CBLL1: variants seen among roughly 807,000 people sequenced by gnomAD.
CBLL1 encodes Cbl proto-oncogene like 1.
Under a neutral mutation model 44.9 loss-of-function variants are expected in CBLL1, and 4 were observed. That is an observed-to-expected ratio of 0.09 (90% CI 0.04 to 0.20). CBLL1 has a LOEUF of 0.20. Among genes scored for constraint, CBLL1 ranks in the 10% least tolerant of loss-of-function variants. CBLL1 has a pLI of 1.00. For missense variants in CBLL1, 569 were observed against 636.7 expected (o/e 0.89, Z 1.14); for synonymous variants, 235 against 202.2 (o/e 1.16, Z -1.38).
intron 1 of CBLL1, 90 bp downstream of exon 1, chr7:107,744,266 C>T (rs946455597): frequency 5.1e-5 from 71 of 1,393,522 alleles, no homozygotes; most frequent in Non-Finnish European, 6.8e-5. Flanking sequence ...GGATTATGCT[C>T]GCCCCACAAC....
chr7:107,747,425 A>G (rs888558518), intron 1 of CBLL1, among the ~76,000 whole-genome samples: 11 of 152,230 alleles, frequency 7.2e-5, no homozygotes, highest in African/African-American at 2.7e-4. Context: ...TTTTTAGTTC[A>G]TTGGAATGTC....
Position 107,745,166 on chromosome 7 carries a change from G to A in CBLL1, c.13+990G>A, listed in dbSNP as rs186290500. Among the ~76,000 whole-genome samples, 9 of 152,290 alleles carry A rather than the reference G, an allele frequency of 5.9e-5. No individual in the cohort carries two copies. The East Asian group carries it at 1.7e-3, about 29-fold the overall frequency. On this transcript the variant is annotated intron_variant, in intron 1 of 5. Transcript: ENST00000440859. ...TCCGTGATAGAACTTCTGTTTTATG[G>A]AGGAACACAGACAATACGTTCTTTT...
chr7:107,752,527 G>A, intron 2 of CBLL1: 1 of 1,283,032 alleles, frequency 7.8e-7, no homozygotes, highest in Non-Finnish European at 1.0e-6. Context: ...TTGTGTGCTT[G>A]GCTACTCTGT....
chr7:107,753,941 A>G lies in CBLL1; in HGVS notation c.329A>G (p.Asp110Gly). The change falls in exon 4 of 6, where the codon GAC becomes GGC. Residue 110 changes from aspartate (D) to glycine (G), a missense_variant. Physicochemically the swap from Asp to Gly is moderately conservative, Grantham distance 94. Coordinates refer to ENST00000440859, the MANE Select transcript of CBLL1 (RefSeq NM_024814.4). Reference sequence around the variant, plus strand: ...GATGATACACCAGTTCATTTCTGTGACAAGTGTGGATTGCCTATTAAAATC... The same window carrying G: ...GATGATACACCAGTTCATTTCTGTGGCAAGTGTGGATTGCCTATTAAAATC... ...EKDDTPVHFCDKCGLPIKIYG... is the reference protein window; with the variant it reads ...EKDDTPVHFCGKCGLPIKIYG... The G allele has an allele frequency of 1.3e-6, 2 of 1,597,082 alleles. No individual in the cohort carries two copies. The highest frequency in any genetic ancestry group is 1.1e-5 in the South Asian group (1 of 88,924).
At chr7:107,755,061 A>T (rs1277925527) in intron 4 of CBLL1, among the ~76,000 whole-genome samples, 2 of 152,192 alleles carry the variant, frequency 1.3e-5, no homozygotes, top group African/African-American at 4.8e-5. Flanking sequence ...TTGAGGTTAC[A>T]GTGAGCTGTG....
chr7:107,754,626 A>T (rs1372434918), intron 4 of CBLL1, among the ~76,000 whole-genome samples: 2 of 152,194 alleles, frequency 1.3e-5, no homozygotes, highest in African/African-American at 4.8e-5. Flanking sequence ...CTGTGAATTT[A>T]AAAATGTGCT....
intron 2 of CBLL1, chr7:107,749,456 T>G (rs1483999403): frequency 6.6e-6 from 1 of 152,670 alleles, no homozygotes; most frequent in Non-Finnish European, 1.5e-5. Flanking sequence ...ATTAAAAAAA[T>G]AGGTTTGGGT....
chr7:107,750,030 G>A (rs1793213946), intron 2 of CBLL1, among the ~76,000 whole-genome samples: 1 of 152,002 alleles, frequency 6.6e-6, no homozygotes, highest in Admixed American at 6.5e-5. Flanking sequence ...ATCATGGCTT[G>A]ATATTCCAGG....
intron 1 of CBLL1, chr7:107,744,574 G>C (rs1792914919): frequency 4.4e-6 from 1 of 226,216 alleles, no homozygotes; most frequent in African/African-American, 2.3e-5. Context: ...GAGTGGACGG[G>C]CGAGAATGGG....
At chr7:107,746,474 A>C (rs939215491) in intron 1 of CBLL1, among the ~76,000 whole-genome samples, 10 of 152,190 alleles carry the variant, frequency 6.6e-5, no homozygotes, top group African/African-American at 2.4e-4. Context: ...AATACTGTGC[A>C]CTGATTGTGA....
intron 2 of CBLL1, among the ~76,000 whole-genome samples, chr7:107,749,655 C>A (rs1446096741): frequency 6.8e-6 from 1 of 147,990 alleles, no homozygotes. Flanking sequence ...CTAAAATCCA[C>A]AGTATCTGTC....
chr7:107,755,400 A>G lies in CBLL1; in HGVS notation c.367-18A>G, dbSNP rs1400266864. 6.7e-7 allele frequency: 1 copy of G among 1,490,696 alleles called. No homozygotes were observed. The highest frequency in any genetic ancestry group is 9.1e-7 in the Non-Finnish European group (1 of 1,097,600). 92.3% of individuals were successfully genotyped at this position (1,490,696 alleles called of 1,614,324 possible). A position where few individuals can be genotyped will look rare whatever the true frequency, so the allele number is the denominator to read the frequency against. ...ATAAGTTCTAATATGCTTAACTGTA[A>G]TATGTCTTTGTTTACAGATTCCATG... is the stretch of plus-strand genomic sequence containing the variant. On this transcript the variant is annotated intron_variant, in intron 4 of 5. Coordinates refer to ENST00000440859, the MANE Select transcript of CBLL1 (RefSeq NM_024814.4).
chr7:107,745,256 G>A (rs1380220765), intron 1 of CBLL1, among the ~76,000 whole-genome samples: 3 of 152,160 alleles, frequency 2.0e-5, no homozygotes, highest in Non-Finnish European at 4.4e-5. Flanking sequence ...GAGTGCTGTG[G>A]AGAGATTCAT....
chr7:107,755,224 A>T (rs973501201), intron 4 of CBLL1, among the ~76,000 whole-genome samples, 194 bp from the exon 5 acceptor site: 1 of 152,188 alleles, frequency 6.6e-6, no homozygotes, highest in Non-Finnish European at 1.5e-5. Flanking sequence ...TTGGGAAAAG[A>T]GCCATAGTTT....
At chr7:107,749,187 T>A (rs1219179194) in intron 2 of CBLL1, 140 bp downstream of exon 2, 1 of 625,500 alleles carries the variant, frequency 1.6e-6, no homozygotes, top group East Asian at 3.1e-5. Flanking sequence ...CTTCTCATTG[T>A]AGCACATTGT....
intron 2 of CBLL1, 39 bp downstream of exon 2, chr7:107,749,086 T>G: frequency 6.3e-7 from 1 of 1,592,152 alleles, no homozygotes; most frequent in Non-Finnish European, 8.6e-7. Flanking sequence ...CTCTTTCTGT[T>G]TTATCTGATT....
chr7:107,749,125 C>A, intron 2 of CBLL1, 78 bp downstream of exon 2: 2 of 1,305,218 alleles, frequency 1.5e-6, no homozygotes, highest in Non-Finnish European at 1.1e-6. Context: ...GATCTTATAG[C>A]TACCTCTTTT....
chr7:107,751,335 G>A (rs1035934718), intron 2 of CBLL1, among the ~76,000 whole-genome samples: 1 of 152,186 alleles, frequency 6.6e-6, no homozygotes, highest in African/African-American at 2.4e-5. Flanking sequence ...CTCACCTCCT[G>A]CTGTGTGGCC....
intron 3 of CBLL1, 52 bp downstream of exon 3, chr7:107,753,563 T>C (rs1793400792): frequency 6.8e-6 from 7 of 1,026,184 alleles, no homozygotes; most frequent in Non-Finnish European, 9.8e-6. Context: ...TTTTAAGTAT[T>C]AAATACTTAA....
Sources: gnomAD v4.1 joint callset for allele counts (sites outside exome capture counted in the v4.1 genomes callset) on GRCh38, gnomAD v4.1.1 for gene constraint, MANE v1.5 for transcripts, NCBI Gene and HGNC (gene_info 2026-07-23, HGNC 2026-07-21) for gene names.